Variants in SPEF2 observed in about 807,000 individuals in gnomAD.
The protein encoded by SPEF2 is sperm flagellar and cilia associated 2, also known as sperm flagella and cilia-associated protein 2.
In SPEF2, 187 loss-of-function variants were observed where a neutral mutation model predicts 224.6. That is an observed-to-expected ratio of 0.83 (90% CI 0.74 to 0.94). SPEF2 has a LOEUF of 0.94. SPEF2 is among the 40% of genes least tolerant of loss of function. The pLI, the probability that SPEF2 is intolerant of heterozygous loss-of-function variation, is 0.00. For synonymous variants in SPEF2, 715 were observed against 707.3 expected, an observed-to-expected ratio of 1.01 and a Z score of -0.17; for missense variants, 2,170 against 2,135.6, an observed-to-expected ratio of 1.02 and a Z score of -0.32.
At chr5:35,727,571 T>C in intron 20 of SPEF2, 104 bp from the exon 21 acceptor site, 2 of 951,340 alleles carry the variant, frequency 2.1e-6, no homozygotes, top group Non-Finnish European at 1.5e-6. Context: ...AAAAAGTAGT[T>C]AATGAATCAC....
intron 10 of SPEF2, chr5:35,671,121 T>C: frequency 1.0e-6 from 1 of 985,304 alleles, no homozygotes. Context: ...GGAAGGTCAG[T>C]AAGTGCAACA....
At chr5:35,799,679 C>T (rs1335245342) in intron 33 of SPEF2, among the ~76,000 whole-genome samples, 1 of 152,096 alleles carries the variant, frequency 6.6e-6, no homozygotes, top group Non-Finnish European at 1.5e-5. Context: ...CTCTCTTTTC[C>T]TATTTAATGT....
chr5:35,630,085 C>A (rs1372345745), intron 2 of SPEF2, among the ~76,000 whole-genome samples: 1 of 152,176 alleles, frequency 6.6e-6, no homozygotes, highest in Non-Finnish European at 1.5e-5. Context: ...TGTCTCACAT[C>A]CAGGGCACAG....
chr5:35,808,187 A>G, intron 36 of SPEF2: 5 of 939,658 alleles, frequency 5.3e-6, no homozygotes, highest in Non-Finnish European at 6.3e-6. Flanking sequence ...CCTTTTAAAT[A>G]TTAAATTATT....
intron 20 of SPEF2, among the ~76,000 whole-genome samples, chr5:35,716,829 C>T (rs1371525208): frequency 6.6e-6 from 1 of 152,156 alleles, no homozygotes; most frequent in Non-Finnish European, 1.5e-5. Context: ...TAAAGAGCCT[C>T]TTAGTTGAGG....
rs774130082 is a variant in SPEF2 at position 35,692,574 on chromosome 5, T to C, written c.1749T>C (p.Phe583=). ...TTILRSLQKD[F]PIQILSIDTL... ...AAATTATCTTTTGTACTTTAGACTT[T>C]CCTATACAGATACTTTCTATTGACA... is the stretch of plus-strand genomic sequence containing the variant. The change falls in exon 12 of 37, where the codon TTT becomes TTC. Residue 583 remains phenylalanine, a synonymous_variant. Coordinates refer to ENST00000356031, the MANE Select transcript of SPEF2 (RefSeq NM_024867.4). The C allele has an allele frequency of 6.2e-6, 10 of 1,606,002 alleles. 1 individual carries two copies. The South Asian group carries it at 1.1e-4, about 18-fold the overall frequency.
At chr5:35,644,920 CT>C (rs1454299407) in intron 4 of SPEF2, among the ~76,000 whole-genome samples, 1 of 152,200 alleles carries the variant, frequency 6.6e-6, no homozygotes, top group African/African-American at 2.4e-5. Context: ...GCTTTCTCCT[CT>C]TTTGCAACCT....
chr5:35,639,203 C>G (rs1338419875), intron 2 of SPEF2, among the ~76,000 whole-genome samples: 1 of 152,156 alleles, frequency 6.6e-6, no homozygotes, highest in East Asian at 1.9e-4. Flanking sequence ...CCCTGCTTGT[C>G]ATATACTACA....
intron 21 of SPEF2, among the ~76,000 whole-genome samples, chr5:35,738,630 A>G (rs1266472170): frequency 6.7e-6 from 1 of 150,294 alleles, no homozygotes; most frequent in Non-Finnish European, 1.5e-5. Flanking sequence ...TCTGGGCACA[A>G]TGGTTTTGAC....
At chr5:35,814,420 C>T (rs1044390921) in intron 36 of SPEF2, 44 bp from the exon 37 acceptor site, 2 of 1,152,186 alleles carry the variant, frequency 1.7e-6, no homozygotes, top group Non-Finnish European at 2.6e-6. Context: ...TATTGATCAT[C>T]CTTTATTAGT....
intron 2 of SPEF2, among the ~76,000 whole-genome samples, chr5:35,632,729 G>C (rs1745308952): frequency 6.6e-6 from 1 of 152,080 alleles, no homozygotes; most frequent in African/African-American, 2.4e-5. Flanking sequence ...TGATTCAGCT[G>C]TATCACATAA....
At position 35,764,678 on chromosome 5, in the gene SPEF2, G is replaced by A. The variant is rs555262298; in HGVS notation, c.3801+976G>A. The A allele has an allele frequency of 3.4e-4, 153 of 456,204 alleles. 2 individuals carry two copies. The highest frequency in any genetic ancestry group is 2.0e-3 in the South Asian group (127 of 64,562). The allele number at this position is 456,204 out of a possible 1,614,324, so 28.3% of individuals were successfully genotyped here. A position where few individuals can be genotyped will look rare whatever the true frequency, so the allele number is the denominator to read the frequency against. ...TGTGAAAGTGGTAGAAGAGGACCTTGCAGCACAGATCTCACAGCAAACAAA... is the reference window on the plus strand; with the variant it reads ...TGTGAAAGTGGTAGAAGAGGACCTTACAGCACAGATCTCACAGCAAACAAA... On this transcript the variant is annotated intron_variant, in intron 26 of 36. Transcript: ENST00000356031.
chr5:35,712,832 G>T lies in SPEF2; in HGVS notation c.2860G>T (p.Glu954Ter). Reference protein sequence around the residue: ...PQSEAPHGKQESLQEGKGKKG... With the variant: ...PQSEAPHGKQ ...TTTAGAAGCCCCGCATGGTAAGCAAGAATCTCTTCAGGAAGGAAAAGGGAA... is the reference window on the plus strand; with the variant it reads ...TTTAGAAGCCCCGCATGGTAAGCAATAATCTCTTCAGGAAGGAAAAGGGAA... The change falls in exon 20 of 37, where the codon GAA becomes TAA. Residue 954 changes from glutamate to a stop codon, truncating the protein, a stop_gained. Transcript: ENST00000356031. LOFTEE classifies it high-confidence loss of function. 1 of 1,613,858 alleles carries T rather than the reference G, an allele frequency of 6.2e-7. No homozygotes were observed. The highest frequency in any genetic ancestry group is 8.5e-7 in the Non-Finnish European group (1 of 1,179,924).
At chr5:35,631,412 A>G (rs1745109389) in intron 2 of SPEF2, among the ~76,000 whole-genome samples, 2 of 152,352 alleles carry the variant, frequency 1.3e-5, no homozygotes, top group South Asian at 4.1e-4. Flanking sequence ...CAAGATCACA[A>G]GACACCACTT....
chr5:35,789,260 GT>G (rs1755616457), intron 30 of SPEF2: 1 of 703,048 alleles, frequency 1.4e-6, no homozygotes, highest in Non-Finnish European at 2.6e-6. Context: ...CTTGTTGGAT[GT>G]CATGAATGTC....
In SPEF2 at chr5:35,654,573, G is replaced by A. The variant is rs753701176; in HGVS notation, c.825G>A (p.Gln275=). ...AGACTTCTTTAGATACAGCAGGCCA[G>A]ACAACCACCGATTTGTTAAATACTT... is the stretch of plus-strand genomic sequence containing the variant. ...ASKTSLDTAG[Q]TTTDLLNTYS... The change falls in exon 7 of 37, where the codon CAG becomes CAA. Residue 275 remains glutamine (Q), a synonymous_variant. Transcript: ENST00000356031. 1.2e-6 allele frequency: 2 copies of A among 1,606,666 alleles called. No individual in the cohort carries two copies. The highest frequency in any genetic ancestry group is 1.1e-5 in the South Asian group (1 of 88,940).
At chr5:35,685,488 G>A (rs1183340384) in intron 10 of SPEF2, among the ~76,000 whole-genome samples, 1 of 152,018 alleles carries the variant, frequency 6.6e-6, no homozygotes, top group Non-Finnish European at 1.5e-5. Context: ...ATATGACATA[G>A]CGTAATTATA....
At chr5:35,758,668 A>G (rs1312626605) in intron 24 of SPEF2, among the ~76,000 whole-genome samples, 1 of 152,146 alleles carries the variant, frequency 6.6e-6, no homozygotes, top group Non-Finnish European at 1.5e-5. Context: ...TCTCTTCTCC[A>G]CATATTGAAC....
intron 23 of SPEF2, among the ~76,000 whole-genome samples, chr5:35,750,293 C>T (rs569233761): frequency 2.6e-5 from 4 of 152,208 alleles, no homozygotes; most frequent in African/African-American, 7.2e-5. Flanking sequence ...TTGGCTCAGG[C>T]AAGGATTTCA....
Sources: gnomAD v4.1 joint callset for allele counts (sites outside exome capture counted in the v4.1 genomes callset) on GRCh38, gnomAD v4.1.1 for gene constraint, MANE v1.5 for transcripts, NCBI Gene and HGNC (gene_info 2026-07-23, HGNC 2026-07-21) for gene names.